The following PRKAG2 variants were observed in gnomAD, a reference collection of about 807,000 sequenced individuals.
The protein encoded by PRKAG2 is 5'-AMP-activated protein kinase subunit gamma-2.
In PRKAG2, 26 loss-of-function variants were observed where a neutral mutation model predicts 69.6. The ratio of observed to expected loss-of-function variants is 0.37; its 90% CI spans 0.27 to 0.52. PRKAG2 has a LOEUF of 0.52. Among genes scored for constraint, PRKAG2 ranks in the 20% least tolerant of loss-of-function variants. The pLI, the probability that PRKAG2 is intolerant of heterozygous loss-of-function variation, is 0.90. For missense variants in PRKAG2, 557 were observed against 740.0 expected (o/e 0.75, Z 2.87); for synonymous variants, 293 against 285.0 (o/e 1.03, Z -0.28).
rs571085338 is a variant in PRKAG2, at chr7:151,593,300, G to A, written c.864+2045C>T. Among the ~76,000 whole-genome samples, 15 of 152,268 alleles carry A rather than the reference G, an allele frequency of 9.9e-5. No individual in the cohort carries two copies. In the South Asian group the frequency reaches 2.1e-3, roughly 21 times the overall value. On this transcript the variant is annotated intron_variant, in intron 6 of 15. Coordinates refer to ENST00000287878, the MANE Select transcript of PRKAG2 (RefSeq NM_016203.4). ...CCTCCTGGGTTGAAGCGACCCTCCC[G>A]CCTCAGCCTCCCGAGTAGCTGGGAC...
chr7:151,773,568 T>G (rs911829571), intron 3 of PRKAG2, among the ~76,000 whole-genome samples: 1 of 152,234 alleles, frequency 6.6e-6, no homozygotes, highest in African/African-American at 2.4e-5. Flanking sequence ...TTACATACAA[T>G]GCACTTAGAA....
intron 5 of PRKAG2, among the ~76,000 whole-genome samples, chr7:151,624,456 G>A (rs1822367012): frequency 6.6e-6 from 1 of 152,066 alleles, no homozygotes; most frequent in Non-Finnish European, 1.5e-5. Context: ...GGCCGTGGCA[G>A]CATATTAAAC....
chr7:151,623,362 T>TAAAAA (rs1821976880), intron 5 of PRKAG2, among the ~76,000 whole-genome samples: 1 of 14,242 alleles, frequency 7.0e-5, no homozygotes. Flanking sequence ...AGACTCTGTC[T>TAAAAA]CAAAAAAAAA....
intron 3 of PRKAG2, among the ~76,000 whole-genome samples, chr7:151,738,673 C>A (rs1048316778): frequency 6.6e-6 from 1 of 152,250 alleles, no homozygotes; most frequent in Non-Finnish European, 1.5e-5. Context: ...TCGGCCCATC[C>A]CTTTGTTTCC....
chr7:151,719,398 A>G lies in PRKAG2; in HGVS notation c.467-43761T>C, dbSNP rs1796683158. On this transcript the variant is annotated intron_variant, in intron 3 of 15. Transcript: ENST00000287878. The surrounding 1 kb of genome is among the most constrained non-coding windows in gnomAD (Gnocchi z 5.2). ...CTATAACTTCCGCTTCCCCCTTCAC[A>G]CAGAGACCATGCTCCCAACCCACCC... 6.6e-6 allele frequency among the ~76,000 whole-genome samples: 1 copy of G among 151,730 alleles called. No homozygotes were observed.
At chr7:151,654,288 G>A (rs926728361) in intron 4 of PRKAG2, among the ~76,000 whole-genome samples, 2 of 152,102 alleles carry the variant, frequency 1.3e-5, no homozygotes, top group African/African-American at 2.4e-5. Flanking sequence ...CCCCTGGCCC[G>A]CCTTCTGTGC....
At chr7:151,689,614 C>T (rs1430989628) in intron 3 of PRKAG2, among the ~76,000 whole-genome samples, 6 of 152,166 alleles carry the variant, frequency 3.9e-5, no homozygotes, top group Non-Finnish European at 8.8e-5. Flanking sequence ...CCGGCTTTCC[C>T]CTTCCCGCCA....
chr7:151,866,020 A>C (rs1361047845), intron 1 of PRKAG2, among the ~76,000 whole-genome samples: 7 of 69,412 alleles, frequency 1.0e-4, no homozygotes, highest in Non-Finnish European at 1.7e-4. Flanking sequence ...ACTCTGTCTC[A>C]AAAAAAAAAA....
intron 6 of PRKAG2, among the ~76,000 whole-genome samples, chr7:151,585,658 A>T (rs557079169): frequency 1.2e-4 from 19 of 152,156 alleles, no homozygotes; most frequent in Non-Finnish European, 2.1e-4. Context: ...CTGCGTTTCG[A>T]TTATTATCAG....
At chr7:151,779,850 C>A (rs2076580634) in intron 3 of PRKAG2, among the ~76,000 whole-genome samples, 1 of 152,162 alleles carries the variant, frequency 6.6e-6, no homozygotes, top group Non-Finnish European at 1.5e-5. Flanking sequence ...TCAGGACGGG[C>A]CTGATTTCCT....
Position 151,638,816 on chromosome 7 carries a change from A to G in PRKAG2, c.685-6678T>C, listed in dbSNP as rs1290038742. On this transcript the variant is annotated intron_variant, in intron 4 of 15. Coordinates refer to ENST00000287878, the MANE Select transcript of PRKAG2 (RefSeq NM_016203.4). The surrounding 1 kb of genome is among the most constrained non-coding windows in gnomAD (Gnocchi z 4.3). ...GATATGAGTTTGCTCTGCCTCTTAAAAGAAGTCTTAAATAGCTCCTGCAAG... is the reference window on the plus strand; with the variant it reads ...GATATGAGTTTGCTCTGCCTCTTAAGAGAAGTCTTAAATAGCTCCTGCAAG... 6.6e-6 allele frequency among the ~76,000 whole-genome samples: 1 copy of G among 152,174 alleles called. No individual in the cohort carries two copies. Among genetic ancestry groups the G allele is most frequent in the Non-Finnish European group, 1.5e-5 (1 of 68,032 alleles).
chr7:151,824,295 C>G (rs56922253), intron 1 of PRKAG2, among the ~76,000 whole-genome samples: 2 of 152,126 alleles, frequency 1.3e-5, no homozygotes, highest in African/African-American at 4.8e-5. Flanking sequence ...TTGCTCCCCT[C>G]GGCTTTTCCC....
intron 3 of PRKAG2, among the ~76,000 whole-genome samples, chr7:151,742,934 G>C (rs1364274093): frequency 6.6e-6 from 1 of 152,228 alleles, no homozygotes; most frequent in Non-Finnish European, 1.5e-5. Context: ...CGTTGGGAGA[G>C]ATGGCGCCTT....
chr7:151,774,488 C>T (rs1458099136), intron 3 of PRKAG2, among the ~76,000 whole-genome samples: 2 of 152,170 alleles, frequency 1.3e-5, no homozygotes, highest in Non-Finnish European at 2.9e-5. Context: ...CATCTTCCTG[C>T]TTTCTTTCCC....
intron 1 of PRKAG2, among the ~76,000 whole-genome samples, chr7:151,851,588 C>T (rs960940260): frequency 6.6e-6 from 1 of 152,186 alleles, no homozygotes; most frequent in Non-Finnish European, 1.5e-5. Context: ...CCATATGCCC[C>T]TGTTCAGCCA....
intron 4 of PRKAG2, among the ~76,000 whole-genome samples, chr7:151,649,875 C>T (rs1209866296): frequency 6.6e-6 from 1 of 152,084 alleles, no homozygotes; most frequent in Admixed American, 6.6e-5. Flanking sequence ...ATAAATTACC[C>T]AGTCTCAGGT....
intron 1 of PRKAG2, among the ~76,000 whole-genome samples, chr7:151,865,157 C>G (rs1388612026): frequency 1.3e-5 from 2 of 152,238 alleles, no homozygotes; most frequent in Non-Finnish European, 2.9e-5. Context: ...AGCCGTGTGA[C>G]TTGCCATGGC....
At position 151,654,376 on chromosome 7, in the gene PRKAG2, A is replaced by G. The variant is rs1359558075; in HGVS notation, c.684+21044T>C. ...TTAACTCATATGGCTCACTGATGTTAGTCATTTCTATTTTTTCTCTATGCC... is the reference window on the plus strand; with the variant it reads ...TTAACTCATATGGCTCACTGATGTTGGTCATTTCTATTTTTTCTCTATGCC... On this transcript the variant is annotated intron_variant, in intron 4 of 15. Coordinates refer to ENST00000287878, the MANE Select transcript of PRKAG2 (RefSeq NM_016203.4). 4.6e-5 allele frequency among the ~76,000 whole-genome samples: 7 copies of G among 152,150 alleles called. No individual in the cohort carries two copies. The East Asian group carries it at 1.3e-3, about 29-fold the overall frequency.
chr7:151,772,646 A>G (rs1045822769), intron 3 of PRKAG2, among the ~76,000 whole-genome samples: 1 of 152,202 alleles, frequency 6.6e-6, no homozygotes. Flanking sequence ...TTTTGGAGGT[A>G]CATTACTTAA....
Sources: allele counts gnomAD v4.1 joint callset (sites outside exome capture counted in the v4.1 genomes callset), GRCh38; gene constraint gnomAD v4.1.1; non-coding constraint Gnocchi (gnomAD v3.1); transcripts MANE v1.5; gene names NCBI Gene and HGNC (gene_info 2026-07-23, HGNC 2026-07-21).